CAPN13: variants seen among roughly 807,000 people sequenced by gnomAD.
The protein encoded by CAPN13 is calpain 13, also known as calpain-13.
Under a neutral mutation model 98.4 loss-of-function variants are expected in CAPN13, and 90 were observed. That is an observed-to-expected ratio of 0.92 (90% confidence interval 0.77 to 1.09). The LOEUF is 1.09. Ranked by LOEUF, CAPN13 falls within the 50% of genes least tolerant of loss-of-function variation. The pLI is 0.00. For synonymous variants in CAPN13, 330 were observed against 305.5 expected, an observed-to-expected ratio of 1.08 and a Z score of -0.84; for missense variants, 887 against 841.3, an observed-to-expected ratio of 1.05 and a Z score of -0.67.
chr2:30,791,678 G>A (rs1674614344), intron 1 of CAPN13, among the ~76,000 whole-genome samples: 1 of 152,192 alleles, frequency 6.6e-6, no homozygotes, highest in African/African-American at 2.4e-5. Context: ...AGAGTTAAGT[G>A]ACTTCAGAAC....
chr2:30,747,605 AG>A (rs1671976007), intron 11 of CAPN13, among the ~76,000 whole-genome samples: 1 of 152,198 alleles, frequency 6.6e-6, no homozygotes, highest in African/African-American at 2.4e-5. Context: ...TTGGACATAA[AG>A]CAGAGCAGTG....
At position 30,758,936 on chromosome 2, in the gene CAPN13, C is replaced by T. The variant is rs547432053; in HGVS notation, c.775-799G>A. Among the ~76,000 whole-genome samples, 6 of 144,522 alleles carry T rather than the reference C, an allele frequency of 4.2e-5. No homozygotes were observed. The East Asian group carries it at 8.3e-4, about 20-fold the overall frequency. 94.8% of individuals were successfully genotyped at this position (144,522 alleles called of 152,430 possible). A position where few individuals can be genotyped will look rare whatever the true frequency, so the allele number is the denominator to read the frequency against. ...CCTTCTTTCTTTCCTTCCTTTTCCT[C>T]CCTCCCTCCCTTTCTTCCCTCCTTC... On this transcript the variant is annotated intron_variant, in intron 7 of 22. Coordinates refer to ENST00000295055, the MANE Select transcript of CAPN13 (RefSeq NM_144575.3).
intron 12 of CAPN13, among the ~76,000 whole-genome samples, chr2:30,745,074 A>C (rs1342914060): frequency 6.6e-6 from 1 of 151,900 alleles, no homozygotes; most frequent in Non-Finnish European, 1.5e-5. Flanking sequence ...CTGTGGCCAC[A>C]TCTTGCTCCT....
intron 4 of CAPN13, among the ~76,000 whole-genome samples, chr2:30,775,682 G>C (rs527544129): frequency 3.3e-5 from 5 of 152,288 alleles, no homozygotes; most frequent in African/African-American, 1.2e-4. Context: ...CAGGGTTCTC[G>C]ATCAGTGACT....
chr2:30,738,001 ACACAC>A (rs2147959152), intron 17 of CAPN13: 1 of 508,310 alleles, frequency 2.0e-6, no homozygotes, highest in East Asian at 3.5e-5. Flanking sequence ...ACACACACAC[ACACAC>A]CCCAGTACAC....
At chr2:30,803,979 C>T (rs189652820) in intron 1 of CAPN13, among the ~76,000 whole-genome samples, 1 of 152,306 alleles carries the variant, frequency 6.6e-6, no homozygotes, top group East Asian at 1.9e-4. Context: ...GTAAAAGCTT[C>T]TCATGCACCC....
chr2:30,776,569 GT>G (rs1419159985), intron 3 of CAPN13, among the ~76,000 whole-genome samples: 1 of 152,180 alleles, frequency 6.6e-6, no homozygotes, highest in African/African-American at 2.4e-5. Context: ...CAATGATGCT[GT>G]GTACAATTGA....
At chr2:30,796,867 C>T (rs1221404273) in intron 1 of CAPN13, among the ~76,000 whole-genome samples, 3 of 152,152 alleles carry the variant, frequency 2.0e-5, no homozygotes, top group African/African-American at 7.2e-5. Context: ...GACAGGCTAG[C>T]CCAGCTCTAG....
chr2:30,736,473 G>T, intron 18 of CAPN13, 30 bp downstream of exon 18: 1 of 1,607,880 alleles, frequency 6.2e-7, no homozygotes, highest in Non-Finnish European at 8.5e-7. Flanking sequence ...GACAGAATGA[G>T]AGTGCTAGTC....
At chr2:30,801,786 T>G (rs1439114726) in intron 1 of CAPN13, among the ~76,000 whole-genome samples, 1 of 151,716 alleles carries the variant, frequency 6.6e-6, no homozygotes, top group Non-Finnish European at 1.5e-5. Context: ...GTGGGAGGAA[T>G]GAGATGGCCC....
Position 30,732,552 on chromosome 2 carries a change from T to A in CAPN13, c.1813A>T (p.Ile605Phe), listed in dbSNP as rs1558607808. 6.2e-7 allele frequency: 1 copy of A among 1,608,926 alleles called. No individual in the cohort carries two copies. The highest frequency in any genetic ancestry group is 8.5e-7 in the Non-Finnish European group (1 of 1,178,182). The change falls in exon 20 of 23, where the codon ATC becomes TTC. Residue 605 changes from isoleucine (I) to phenylalanine (F), a missense_variant. Transcript: ENST00000295055. Reference sequence around the variant, plus strand: ...TGCAGCAGCTCACGGCTGATGAAGATCCCTCTGAGGAAGTCTGGGGCCACA... The same window carrying A: ...TGCAGCAGCTCACGGCTGATGAAGAACCCTCTGAGGAAGTCTGGGGCCACA... Reference protein sequence around the residue: ...AIENTDFLRGIFISRELLHLV... With the variant: ...AIENTDFLRGFFISRELLHLV...
chr2:30,763,669 T>C (rs1380945748), intron 6 of CAPN13, among the ~76,000 whole-genome samples: 1 of 152,216 alleles, frequency 6.6e-6, no homozygotes, highest in Non-Finnish European at 1.5e-5. Context: ...CCCAAGCTTT[T>C]CAAAATGGGT....
intron 7 of CAPN13, among the ~76,000 whole-genome samples, chr2:30,758,821 C>CTCCCTCCCTCCCTCCCT: frequency 1.2e-5 from 1 of 81,916 alleles, no homozygotes. Flanking sequence ...CCCTTCCTCC[C>CTCCCTCCCTCCCTCCCT]TTCCTTCCTC....
chr2:30,799,848 C>T (rs970972843), intron 1 of CAPN13, among the ~76,000 whole-genome samples: 9 of 151,992 alleles, frequency 5.9e-5, no homozygotes, highest in East Asian at 3.9e-4. Flanking sequence ...CCAAGGTGGG[C>T]GGATCACGAG....
At chr2:30,739,068 G>A (rs958336920) in intron 15 of CAPN13, among the ~76,000 whole-genome samples, 2 of 152,158 alleles carry the variant, frequency 1.3e-5, no homozygotes, top group Non-Finnish European at 2.9e-5. Context: ...GGTTGGGGAG[G>A]GAGGAACTCT....
intron 7 of CAPN13, 73 bp downstream of exon 7, chr2:30,763,009 C>T (rs757520239): frequency 1.2e-4 from 142 of 1,232,990 alleles, no homozygotes; most frequent in Non-Finnish European, 1.5e-4. Flanking sequence ...GTGATTCTGG[C>T]CCCTATTGAG....
intron 1 of CAPN13, among the ~76,000 whole-genome samples, chr2:30,802,474 T>C (rs1675340777): frequency 6.9e-6 from 1 of 145,626 alleles, no homozygotes; most frequent in Non-Finnish European, 1.5e-5. Context: ...TGTGTGTGTG[T>C]GTGTGTGTGT....
intron 8 of CAPN13, among the ~76,000 whole-genome samples, chr2:30,755,974 A>G (rs1203853585): frequency 1.3e-5 from 2 of 152,000 alleles, no homozygotes; most frequent in Non-Finnish European, 2.9e-5. Flanking sequence ...TAGGGAAGAA[A>G]TCGACCACCT....
At chr2:30,785,201 G>A (rs1367213804) in intron 2 of CAPN13, among the ~76,000 whole-genome samples, 2 of 152,168 alleles carry the variant, frequency 1.3e-5, no homozygotes, top group Non-Finnish European at 2.9e-5. Flanking sequence ...TCAGTGGGGG[G>A]AAAGTGCAGC....
Sources: allele counts gnomAD v4.1 joint callset (sites outside exome capture counted in the v4.1 genomes callset), GRCh38; gene constraint gnomAD v4.1.1; transcripts MANE v1.5; gene names NCBI Gene and HGNC (gene_info 2026-07-23, HGNC 2026-07-21).